Variants in NPIPA5 observed in about 807,000 individuals in gnomAD.
NPIPA5 encodes the protein nuclear pore complex interacting protein family member A5, also known as nuclear pore complex-interacting protein family member A5.
NPIPA5 carries 6 observed loss-of-function variants against 21.4 expected under a neutral mutation model. That is an observed-to-expected ratio of 0.28 (90% confidence interval 0.15 to 0.55). The LOEUF (loss-of-function observed/expected upper bound fraction) is 0.55. Ranked by LOEUF, NPIPA5 falls within the 20% of genes least tolerant of loss-of-function variation. NPIPA5 has a pLI of 0.93. For synonymous variants in NPIPA5, 33 were observed against 115.3 expected (o/e 0.29, Z 4.57); for missense variants, 99 against 318.2 (o/e 0.31, Z 5.24).
chr16:15,375,432 G>A (rs2050265579), intron 1 of NPIPA5, among the ~76,000 whole-genome samples: 2 of 147,404 alleles, frequency 1.4e-5, no homozygotes, highest in South Asian at 2.3e-4. Flanking sequence ...AATAAGTATC[G>A]AATTTTAGTT....
At chr16:15,366,881 A>G in intron 4 of NPIPA5, 121 bp from the exon 5 acceptor site, 3 of 1,513,692 alleles carry the variant, frequency 2.0e-6, no homozygotes, top group Non-Finnish European at 2.6e-6. Context: ...CAAATGAACC[A>G]ACTGATTCTC....
chr16:15,380,284 A>G (rs531463491), upstream of NPIPA5, among the ~76,000 whole-genome samples: 1 of 151,930 alleles, frequency 6.6e-6, no homozygotes, highest in African/African-American at 2.4e-5. Flanking sequence ...AAAGTAGTTT[A>G]GAAGCTGTTG....
chr16:15,380,354 G>A (rs886470835), upstream of NPIPA5, among the ~76,000 whole-genome samples: 5 of 147,946 alleles, frequency 3.4e-5, no homozygotes, highest in Admixed American at 6.9e-5. Context: ...ACAGAGTCTC[G>A]CTCTGTCGTA....
chr16:15,380,399 T>C (rs1330020252), upstream of NPIPA5, among the ~76,000 whole-genome samples: 1 of 151,888 alleles, frequency 6.6e-6, no homozygotes, highest in Non-Finnish European at 1.5e-5. Flanking sequence ...CTCGGCCCAC[T>C]AAAACCTCCA....
At position 15,370,789 on chromosome 16, in the gene NPIPA5, G is replaced by A. The variant is rs1300022895; in HGVS notation, c.193-670C>T. Reference sequence around the variant, plus strand: ...AAATAGGCCAGGTGCGGTAGCTCACGCCTGTAATCCCAGCACTTTGGGAGG... The same window carrying A: ...AAATAGGCCAGGTGCGGTAGCTCACACCTGTAATCCCAGCACTTTGGGAGG... On this transcript the variant is annotated intron_variant, in intron 2 of 7. Coordinates refer to ENST00000360151, the MANE Select transcript of NPIPA5 (RefSeq NM_001277325.2). 1.1e-4 allele frequency among the ~76,000 whole-genome samples: 16 copies of A among 146,578 alleles called. 2 individuals are homozygous for A. The highest frequency in any genetic ancestry group is 7.1e-5 in the Admixed American group (1 of 14,072).
upstream of NPIPA5, among the ~76,000 whole-genome samples, chr16:15,379,690 G>C (rs1399366849): frequency 1.3e-5 from 2 of 152,144 alleles, no homozygotes; most frequent in Non-Finnish European, 2.9e-5. Context: ...GCTCACGCCT[G>C]TAATCCCAGC....
chr16:15,367,269 G>GGT (rs763296262), intron 4 of NPIPA5, among the ~76,000 whole-genome samples: 28 of 152,146 alleles, frequency 1.8e-4, no homozygotes, highest in Non-Finnish European at 2.4e-4. Context: ...TCCAGAATAT[G>GGT]GTGTCATTAA....
chr16:15,366,684 T>A lies in NPIPA5; in HGVS notation c.514A>T (p.Lys172Ter). The change falls in exon 5 of 8, where the codon AAA becomes TAA. Residue 172 changes from lysine to a stop codon, truncating the protein, a stop_gained. Coordinates refer to ENST00000360151, the MANE Select transcript of NPIPA5 (RefSeq NM_001277325.2). LOFTEE classifies it high-confidence loss of function. ...GTGTGTATTTCTTTCATATCCAATT[T>A]CCCATTTTCCTCTGCCTCTGACACC... ...RQVSEAEENG[K>*]LDMKEIHTYM... 2 of 1,462,928 alleles carry A rather than the reference T, an allele frequency of 1.4e-6. No individual in the cohort carries two copies. Among genetic ancestry groups the A allele is most frequent in the Non-Finnish European group, 1.8e-6 (2 of 1,091,112 alleles). The allele number at this position is 1,462,928 out of a possible 1,614,324, so 90.6% of individuals were successfully genotyped here.
At position 15,363,809 on chromosome 16, in the gene NPIPA5, C is replaced by T. The variant is rs781406020; in HGVS notation, c.903G>A (p.Ala301=). 277 of 1,354,992 alleles carry T rather than the reference C, an allele frequency of 2.0e-4. 2 individuals are homozygous for T. Among genetic ancestry groups the T allele is most frequent in the Admixed American group, 7.5e-4 (33 of 43,894 alleles). 83.9% of individuals were successfully genotyped at this position (1,354,992 alleles called of 1,614,324 possible). A position where few individuals can be genotyped will look rare whatever the true frequency, so the allele number is the denominator to read the frequency against. Residue 301 remains alanine (A), a synonymous_variant, in exon 8 of 8, where the codon GCG becomes GCA. Transcript: ENST00000360151. The part of the protein sequence containing the change: ...TPLPPSALPS[A]DDNLKTPAEC... ...CGGCAGGTGTCTTGAGATTATCATCCGCTGAGGGTAGAGCTGAGGGTGGAA... is the reference window on the plus strand; with the variant it reads ...CGGCAGGTGTCTTGAGATTATCATCTGCTGAGGGTAGAGCTGAGGGTGGAA...
chr16:15,380,511 C>T (rs1356656098), upstream of NPIPA5, among the ~76,000 whole-genome samples: 1 of 151,806 alleles, frequency 6.6e-6, no homozygotes, highest in East Asian at 1.9e-4. Flanking sequence ...TTAGTAGGGA[C>T]GAGGTTTTGC....
chr16:15,376,881 G>C (rs1192566619), intron 1 of NPIPA5, among the ~76,000 whole-genome samples: 2 of 152,128 alleles, frequency 1.3e-5, no homozygotes, highest in Non-Finnish European at 2.9e-5. Flanking sequence ...GGCTGAGGCA[G>C]GACAATTGCT....
At chr16:15,376,349 A>C (rs1453616840) in intron 1 of NPIPA5, among the ~76,000 whole-genome samples, 1 of 148,786 alleles carries the variant, frequency 6.7e-6, no homozygotes, top group African/African-American at 2.4e-5. Flanking sequence ...ACCAACATGG[A>C]GAAACCCTAT....
chr16:15,370,732 C>A (rs991232064), intron 2 of NPIPA5, among the ~76,000 whole-genome samples: 2 of 130,584 alleles, frequency 1.5e-5, no homozygotes, highest in Admixed American at 8.5e-5. Context: ...ACATGGGCAA[C>A]AAAATTCAAA....
chr16:15,380,373 A>C (rs1028814265), upstream of NPIPA5, among the ~76,000 whole-genome samples: 1 of 149,940 alleles, frequency 6.7e-6, no homozygotes, highest in Non-Finnish European at 1.5e-5. Context: ...TACAGTCTGG[A>C]GTGCAATGGC....
chr16:15,370,777 G>C (rs1214832725), intron 2 of NPIPA5, among the ~76,000 whole-genome samples: 2 of 145,652 alleles, frequency 1.4e-5, no homozygotes, highest in Non-Finnish European at 3.0e-5. Flanking sequence ...TAGGCCAGGT[G>C]CGGTAGCTCA....
At chr16:15,369,162 A>C (rs1027103269) in intron 4 of NPIPA5, among the ~76,000 whole-genome samples, 1 of 148,978 alleles carries the variant, frequency 6.7e-6, no homozygotes, top group African/African-American at 2.5e-5. Flanking sequence ...AAAATTAAAA[A>C]AAAAAAAAAA....
intron 2 of NPIPA5, among the ~76,000 whole-genome samples, chr16:15,372,674 A>G (rs947637920): frequency 1.4e-5 from 2 of 145,730 alleles, no homozygotes; most frequent in Non-Finnish European, 3.0e-5. Context: ...AAACTGAAAC[A>G]TACTTCCTCT....
At chr16:15,381,073 G>A (rs201198269), upstream of NPIPA5, 11 of 1,534,396 alleles carry the variant, frequency 7.2e-6, no homozygotes, top group South Asian at 6.0e-5. Flanking sequence ...AGGGGCTCAT[G>A]ATGAGTGCCA....
chr16:15,376,586 G>A (rs1314752394), intron 1 of NPIPA5, among the ~76,000 whole-genome samples: 1 of 149,578 alleles, frequency 6.7e-6, no homozygotes, highest in Non-Finnish European at 1.5e-5. Flanking sequence ...GTTTATGCTG[G>A]TGTATGTACT....
Sources: allele counts gnomAD v4.1 joint callset (sites outside exome capture counted in the v4.1 genomes callset), GRCh38; gene constraint gnomAD v4.1.1; transcripts MANE v1.5; gene names NCBI Gene and HGNC (gene_info 2026-07-23, HGNC 2026-07-21).